The following NEDD4L variants were observed in gnomAD, a reference collection of about 807,000 sequenced individuals.
NEDD4L encodes NEDD4 like E3 ubiquitin protein ligase.
A neutral mutation model predicts 148.9 loss-of-function variants in NEDD4L; 54 were observed. The ratio of observed to expected loss-of-function variants is 0.36; its 90% confidence interval spans 0.29 to 0.45. The LOEUF (loss-of-function observed/expected upper bound fraction) is 0.45. Among genes scored for constraint, NEDD4L ranks in the 20% least tolerant of loss-of-function variants. The pLI, the probability that NEDD4L is intolerant of heterozygous loss-of-function variation, is 1.00. For missense variants in NEDD4L, 856 were observed against 1,233.8 expected (o/e 0.69, Z 4.59); for synonymous variants, 433 against 440.7 (o/e 0.98, Z 0.22).
chr18:58,115,236 T>C (rs1435802491), intron 1 of NEDD4L, among the ~76,000 whole-genome samples: 1 of 140,570 alleles, frequency 7.1e-6, no homozygotes, highest in Non-Finnish European at 1.5e-5. Context: ...TTCTTTTCTT[T>C]CTTTCTTTCT....
At chr18:58,346,715 C>T (rs2043112709) in intron 16 of NEDD4L, among the ~76,000 whole-genome samples, 1 of 152,156 alleles carries the variant, frequency 6.6e-6, no homozygotes, top group African/African-American at 2.4e-5. Context: ...TGGAGGGAAG[C>T]AATTTTATAT....
At chr18:58,142,380 A>G (rs1193380436) in intron 1 of NEDD4L, among the ~76,000 whole-genome samples, 4 of 151,818 alleles carry the variant, frequency 2.6e-5, no homozygotes, top group Non-Finnish European at 5.9e-5. Context: ...TTAACCTTCC[A>G]CTTTTAAGTT....
chr18:58,184,090 A>G (rs1382198349), intron 2 of NEDD4L, among the ~76,000 whole-genome samples: 1 of 152,112 alleles, frequency 6.6e-6, no homozygotes, highest in African/African-American at 2.4e-5. Context: ...AATGGCGAGA[A>G]CCTGGGAGGT....
At position 58,058,629 on chromosome 18, in the gene NEDD4L, T is replaced by C. The variant is rs142231224; in HGVS notation, c.48+13921T>C. Among the ~76,000 whole-genome samples, 167 of 152,344 alleles carry C rather than the reference T, an allele frequency of 1.1e-3. 2 individuals carry two copies. In the East Asian group the frequency reaches 0.031, roughly 28 times the overall value. On this transcript the variant is annotated intron_variant, in intron 1 of 30. Coordinates refer to ENST00000400345, the MANE Select transcript of NEDD4L (RefSeq NM_001144967.3). Reference sequence around the variant, plus strand: ...ATTTGGGGTAGCACTGGAGTACTTGTCACACTGGAGAGACAGGCCTGGACA... The same window carrying C: ...ATTTGGGGTAGCACTGGAGTACTTGCCACACTGGAGAGACAGGCCTGGACA...
intron 19 of NEDD4L, among the ~76,000 whole-genome samples, chr18:58,362,402 C>G (rs2045602319): frequency 6.6e-6 from 1 of 152,176 alleles, no homozygotes; most frequent in Admixed American, 6.5e-5. Flanking sequence ...AGAGCTGAGT[C>G]ACGTTTGTTC....
chr18:58,351,272 T>G, intron 18 of NEDD4L: 1 of 699,958 alleles, frequency 1.4e-6, no homozygotes, highest in Admixed American at 6.3e-5. Flanking sequence ...TTGTGACCTA[T>G]TAACGTGTTT....
chr18:58,219,872 C>T (rs2043549132), intron 2 of NEDD4L, among the ~76,000 whole-genome samples: 2 of 152,160 alleles, frequency 1.3e-5, no homozygotes, highest in South Asian at 4.2e-4. Context: ...ATAGGCAAAT[C>T]GTTAAAAATA....
At chr18:58,278,821 G>C (rs1487475250) in intron 5 of NEDD4L, among the ~76,000 whole-genome samples, 1 of 152,168 alleles carries the variant, frequency 6.6e-6, no homozygotes, top group East Asian at 1.9e-4. Flanking sequence ...GAGATTTTCA[G>C]AATAAAATTG....
chr18:58,275,553 T>C (rs10513912), intron 5 of NEDD4L, among the ~76,000 whole-genome samples: 6,971 of 152,292 alleles, frequency 0.046, 199 homozygotes, highest in Middle Eastern at 0.15. Flanking sequence ...TTATATGTCC[T>C]GAAAGATGAG....
chr18:58,196,024 T>C (rs530870139), intron 2 of NEDD4L, among the ~76,000 whole-genome samples: 3 of 152,348 alleles, frequency 2.0e-5, no homozygotes, highest in Admixed American at 6.5e-5. Context: ...TACACAGATA[T>C]TGCTCTGGTG....
rs1270448589 is a variant in NEDD4L, at chr18:58,333,879, G to C, written c.1052G>C (p.Gly351Ala). 4 of 1,612,596 alleles carry C rather than the reference G, an allele frequency of 2.5e-6. No homozygotes were observed. The Admixed American group carries it at 6.7e-5, about 27-fold the overall frequency. Residue 351 changes from glycine (G) to alanine (A), a missense_variant, in exon 12 of 31, where the codon GGC becomes GCC. Physicochemically the swap from Gly to Ala is moderately conservative, Grantham distance 60. Transcript: ENST00000400345. ...CSVTDAVAEQ[G>A]HLPPPSAPAG... ...GTCACCGACGCAGTTGCAGAACAGG[G>C]CCATCTACCACCGGTAACCCATGCT...
intron 11 of NEDD4L, among the ~76,000 whole-genome samples, chr18:58,333,076 AGACCAG>A (rs1425524427): frequency 6.6e-6 from 1 of 152,084 alleles, no homozygotes; most frequent in Non-Finnish European, 1.5e-5. Context: ...CAGGAGGTCG[AGACCAG>A]CCTGACCAAT....
chr18:58,332,551 G>A (rs2041133559), intron 11 of NEDD4L, among the ~76,000 whole-genome samples: 1 of 152,148 alleles, frequency 6.6e-6, no homozygotes, highest in South Asian at 2.1e-4. Context: ...AGGAGGCCAA[G>A]GCCCAAAAAT....
At chr18:58,294,712 G>T (rs555403563) in intron 5 of NEDD4L, among the ~76,000 whole-genome samples, 1 of 151,510 alleles carries the variant, frequency 6.6e-6, no homozygotes, top group Non-Finnish European at 1.5e-5. Context: ...AGAGACAGGG[G>T]TCTTGCTATG....
intron 24 of NEDD4L, among the ~76,000 whole-genome samples, chr18:58,376,336 G>C (rs1014681460): frequency 1.3e-5 from 2 of 152,164 alleles, no homozygotes; most frequent in African/African-American, 4.8e-5. Context: ...GGATCAAGTA[G>C]AGTAATGCAT....
intron 16 of NEDD4L, among the ~76,000 whole-genome samples, chr18:58,345,158 G>A (rs2042891845): frequency 6.6e-6 from 1 of 152,166 alleles, no homozygotes; most frequent in South Asian, 2.1e-4. Context: ...ACGTTTTGTT[G>A]CTGCTGCTAG....
chr18:58,277,178 G>A (rs2052229233), intron 5 of NEDD4L, among the ~76,000 whole-genome samples: 1 of 152,004 alleles, frequency 6.6e-6, no homozygotes, highest in African/African-American at 2.4e-5. Context: ...TGAGCCAGCT[G>A]TGCCTCAGAA....
At chr18:58,374,688 C>A (rs1039314282) in intron 24 of NEDD4L, among the ~76,000 whole-genome samples, 3 of 151,704 alleles carry the variant, frequency 2.0e-5, no homozygotes, top group African/African-American at 7.3e-5. Context: ...ATAGCTCACT[C>A]CCCCCAGAGA....
In NEDD4L at chr18:58,220,629, A is replaced by G. The variant is rs540875040; in HGVS notation, c.123-24798A>G. On this transcript the variant is annotated intron_variant, in intron 2 of 30. Coordinates refer to ENST00000400345, the MANE Select transcript of NEDD4L (RefSeq NM_001144967.3). ...GTTTCTCAGCTGAGATGCCAGGAACACTTCGCGAGTGAGCATGCCACCACA... is the reference window on the plus strand; with the variant it reads ...GTTTCTCAGCTGAGATGCCAGGAACGCTTCGCGAGTGAGCATGCCACCACA... 2.0e-5 allele frequency among the ~76,000 whole-genome samples: 3 copies of G among 152,324 alleles called. No individual in the cohort carries two copies. In the South Asian group the frequency reaches 6.2e-4, roughly 32 times the overall value.
Sources: allele counts gnomAD v4.1 joint callset (sites outside exome capture counted in the v4.1 genomes callset), GRCh38; gene constraint gnomAD v4.1.1; transcripts MANE v1.5; gene names NCBI Gene and HGNC (gene_info 2026-07-23, HGNC 2026-07-21).